PTPRM: variants seen among roughly 807,000 people sequenced by gnomAD.
PTPRM encodes the protein receptor-type tyrosine-protein phosphatase mu.
Under a neutral mutation model 186.7 loss-of-function variants are expected in PTPRM, and 47 were observed. That is an observed-to-expected ratio of 0.25 (90% CI 0.20 to 0.32). PTPRM has a LOEUF of 0.32. PTPRM is among the 10% of genes least tolerant of loss of function. PTPRM has a pLI of 1.00. For synonymous variants in PTPRM, 668 were observed against 674.9 expected, an observed-to-expected ratio of 0.99 and a Z score of 0.16; for missense variants, 1,494 against 1,865.0, an observed-to-expected ratio of 0.80 and a Z score of 3.66.
intron 20 of PTPRM, among the ~76,000 whole-genome samples, chr18:8,300,404 A>G (rs1421008191): frequency 6.6e-6 from 1 of 152,150 alleles, no homozygotes; most frequent in Non-Finnish European, 1.5e-5. Context: ...CAGAAATGCC[A>G]CATTAAAAGA....
intron 20 of PTPRM, among the ~76,000 whole-genome samples, chr18:8,302,371 C>T (rs1384670265): frequency 6.6e-6 from 1 of 151,978 alleles, no homozygotes; most frequent in Non-Finnish European, 1.5e-5. Flanking sequence ...GTGGCTGGAG[C>T]TGGAAGGACA....
chr18:8,053,216 T>A (rs1367741783), intron 7 of PTPRM, among the ~76,000 whole-genome samples: 1 of 152,212 alleles, frequency 6.6e-6, no homozygotes, highest in Admixed American at 6.5e-5. Flanking sequence ...GTTTTCACTT[T>A]CCTTATGATA....
chr18:7,742,422 A>T (rs1429519223), intron 1 of PTPRM, among the ~76,000 whole-genome samples: 1 of 152,154 alleles, frequency 6.6e-6, no homozygotes. Context: ...ATCCATTCAC[A>T]AGTATCCTCC....
Position 8,069,733 on chromosome 18 carries a change from C to T in PTPRM, c.1180C>T (p.Arg394Trp), listed in dbSNP as rs770908081. Residue 394 changes from arginine to tryptophan, a missense_variant, in exon 8 of 33, where the codon CGG becomes TGG. Transcript: ENST00000580170. ...RKLEVVEVKS[R>W]QITIRWEPFG... ...ACTAGAAGTAGTGGAGGTCAAATCT[C>T]GGCAAATCACTATCCGCTGGGAGCC... 7 of 1,613,790 alleles carry T rather than the reference C, an allele frequency of 4.3e-6. No individual in the cohort carries two copies. The highest frequency in any genetic ancestry group is 4.5e-5 in the East Asian group (2 of 44,894).
chr18:8,303,437 A>G (rs1260636705), intron 20 of PTPRM, among the ~76,000 whole-genome samples: 2 of 152,292 alleles, frequency 1.3e-5, no homozygotes, highest in East Asian at 3.9e-4. Context: ...GTTTTATAGC[A>G]GTGTGCTTCT....
At chr18:7,612,868 A>G (rs1456260695) in intron 1 of PTPRM, among the ~76,000 whole-genome samples, 2 of 152,170 alleles carry the variant, frequency 1.3e-5, no homozygotes, top group Non-Finnish European at 2.9e-5. Context: ...ACAAAGTGGA[A>G]TGTACCTAGC....
At chr18:8,388,176 A>C (rs2095790275) in intron 31 of PTPRM, among the ~76,000 whole-genome samples, 1 of 152,232 alleles carries the variant, frequency 6.6e-6, no homozygotes, top group Non-Finnish European at 1.5e-5. Flanking sequence ...CAATCGGCTT[A>C]ATAGAACAGG....
At chr18:8,395,290 G>A (rs1357399796) in intron 32 of PTPRM, among the ~76,000 whole-genome samples, 1 of 152,120 alleles carries the variant, frequency 6.6e-6, no homozygotes, top group East Asian at 1.9e-4. Context: ...AAATGGCTTG[G>A]GGGCAGGAGA....
At chr18:7,804,458 C>G (rs1727153668) in intron 2 of PTPRM, among the ~76,000 whole-genome samples, 1 of 152,180 alleles carries the variant, frequency 6.6e-6, no homozygotes, top group South Asian at 2.1e-4. Context: ...GAGCCGGGCT[C>G]TGAGCTTTGT....
chr18:7,752,387 A>G (rs1319563943), intron 1 of PTPRM, among the ~76,000 whole-genome samples: 1 of 152,136 alleles, frequency 6.6e-6, no homozygotes, highest in Non-Finnish European at 1.5e-5. Context: ...TTCAAAAGGT[A>G]GGAAACATGA....
chr18:7,732,222 C>T (rs544546028), intron 1 of PTPRM, among the ~76,000 whole-genome samples: 1 of 152,284 alleles, frequency 6.6e-6, no homozygotes, highest in South Asian at 2.1e-4. Context: ...CAGCCCTGGC[C>T]ATCACATCCT....
At chr18:7,874,435 T>G in intron 2 of PTPRM, among the ~76,000 whole-genome samples, 1 of 152,270 alleles carries the variant, frequency 6.6e-6, no homozygotes, top group South Asian at 2.1e-4. Flanking sequence ...ATAAAGAATT[T>G]TCCCTAATAT....
At chr18:8,201,035 G>A (rs1390193210) in intron 14 of PTPRM, among the ~76,000 whole-genome samples, 2 of 152,070 alleles carry the variant, frequency 1.3e-5, no homozygotes, top group Admixed American at 6.6e-5. Context: ...AAGATTTAAG[G>A]CCAGGCACGA....
chr18:7,811,817 A>AAC (rs1265709578), intron 2 of PTPRM, among the ~76,000 whole-genome samples: 1 of 152,176 alleles, frequency 6.6e-6, no homozygotes, highest in Non-Finnish European at 1.5e-5. Flanking sequence ...GTTGTTGGGC[A>AAC]ATTATAATCT....
intron 2 of PTPRM, among the ~76,000 whole-genome samples, chr18:7,876,724 G>C (rs2048263258): frequency 6.6e-6 from 1 of 152,140 alleles, no homozygotes; most frequent in Non-Finnish European, 1.5e-5. Context: ...ATTTAGCTCT[G>C]CTATCTTAGG....
chr18:8,051,541 C>T (rs1032133495), intron 7 of PTPRM, among the ~76,000 whole-genome samples: 8 of 152,110 alleles, frequency 5.3e-5, no homozygotes, highest in South Asian at 4.1e-4. Context: ...TTATCGCATA[C>T]GTATGTATTC....
intron 14 of PTPRM, among the ~76,000 whole-genome samples, chr18:8,145,516 C>G (rs2092862062): frequency 6.6e-6 from 1 of 152,138 alleles, no homozygotes; most frequent in South Asian, 2.1e-4. Context: ...TGTTCCCCTC[C>G]CTGTGTCCAT....
At chr18:7,694,014 G>C (rs751201817) in intron 1 of PTPRM, among the ~76,000 whole-genome samples, 3 of 152,324 alleles carry the variant, frequency 2.0e-5, no homozygotes, top group Admixed American at 6.5e-5. Context: ...TCAGTAGGCC[G>C]TGGGGTGTCA....
intron 19 of PTPRM, among the ~76,000 whole-genome samples, chr18:8,276,052 T>C (rs535170497): frequency 6.6e-6 from 1 of 152,034 alleles, no homozygotes; most frequent in South Asian, 2.1e-4. Context: ...GGGCATCACT[T>C]GCCTCTGCTT....
Sources: gnomAD v4.1 joint callset for allele counts (sites outside exome capture counted in the v4.1 genomes callset) on GRCh38, gnomAD v4.1.1 for gene constraint, MANE v1.5 for transcripts, NCBI Gene and HGNC (gene_info 2026-07-23, HGNC 2026-07-21) for gene names.